The following PLCE1 variants were observed in gnomAD, a reference collection of about 807,000 sequenced individuals.
PLCE1 encodes the protein phospholipase C epsilon 1.
Under a neutral mutation model 242.8 loss-of-function variants are expected in PLCE1, and 119 were observed. That is an observed-to-expected ratio of 0.49 (90% CI 0.42 to 0.57). PLCE1 has a LOEUF of 0.57. Among genes scored for constraint, PLCE1 ranks in the 20% least tolerant of loss-of-function variants. The pLI is 0.00. For synonymous variants in PLCE1, 945 were observed against 1,017.4 expected, an observed-to-expected ratio of 0.93 and a Z score of 1.35; for missense variants, 2,441 against 2,788.8, an observed-to-expected ratio of 0.88 and a Z score of 2.81.
At chr10:94,255,195 A>T in intron 11 of PLCE1, 146 bp downstream of exon 11, 1 of 913,570 alleles carries the variant, frequency 1.1e-6, no homozygotes, top group Non-Finnish European at 1.7e-6. Context: ...CAAAATTTTA[A>T]ATGATCCTAA....
chr10:94,271,300 G>A (rs2051721628), intron 18 of PLCE1, among the ~76,000 whole-genome samples: 1 of 137,070 alleles, frequency 7.3e-6, no homozygotes, highest in East Asian at 2.4e-4. Flanking sequence ...TATAGGAGAA[G>A]ATCATCTTTT....
chr10:94,073,594 A>G (rs1266814188), intron 2 of PLCE1, among the ~76,000 whole-genome samples: 1 of 152,198 alleles, frequency 6.6e-6, no homozygotes, highest in African/African-American at 2.4e-5. Flanking sequence ...AATTTAGTTC[A>G]TTTCCTCTTC....
chr10:94,152,458 G>T (rs1355493851), intron 3 of PLCE1, among the ~76,000 whole-genome samples: 1 of 152,150 alleles, frequency 6.6e-6, no homozygotes, highest in African/African-American at 2.4e-5. Flanking sequence ...AAGGGAAAAT[G>T]AACAATTATG....
At chr10:94,285,159 T>C (rs2052393276) in intron 22 of PLCE1, among the ~76,000 whole-genome samples, 194 bp downstream of exon 22, 1 of 152,152 alleles carries the variant, frequency 6.6e-6, no homozygotes, top group African/African-American at 2.4e-5. Context: ...CCATAAAGTA[T>C]TCATTTTTCA....
At chr10:93,999,521 A>C (rs983164899) in intron 1 of PLCE1, among the ~76,000 whole-genome samples, 1 of 152,172 alleles carries the variant, frequency 6.6e-6, no homozygotes, top group South Asian at 2.1e-4. Context: ...GGAAAATGCA[A>C]TGTTGGAATT....
chr10:94,094,243 G>A lies in PLCE1; in HGVS notation c.1207-37931G>A, dbSNP rs113438895. On this transcript the variant is annotated intron_variant, in intron 2 of 32. Coordinates refer to ENST00000371380, the MANE Select transcript of PLCE1 (RefSeq NM_016341.4). ...GGCGTGAGCCACCGCGCCCGGCCTC[G>A]GTATTTCTTTTGAGCTCCTAGAATG... Among the ~76,000 whole-genome samples, 1,000 of 152,134 alleles carry A rather than the reference G, an allele frequency of 6.6e-3. 28 individuals carry two copies. Among genetic ancestry groups the A allele is most frequent in the African/African-American group, 0.023 (956 of 41,468 alleles).
chr10:94,053,873 A>G (rs1276035633), intron 2 of PLCE1, among the ~76,000 whole-genome samples: 9 of 152,242 alleles, frequency 5.9e-5, no homozygotes, highest in African/African-American at 2.2e-4. Flanking sequence ...CAGGGTGACC[A>G]GATTAGTTTT....
At chr10:94,310,430 C>A (rs1400041484) in intron 27 of PLCE1, among the ~76,000 whole-genome samples, 17 of 152,178 alleles carry the variant, frequency 1.1e-4, no homozygotes. Flanking sequence ...GGCCACACCC[C>A]GCACCAATTA....
At chr10:94,246,804 C>A (rs539805680) in intron 8 of PLCE1, among the ~76,000 whole-genome samples, 183 bp downstream of exon 8, 1 of 152,132 alleles carries the variant, frequency 6.6e-6, no homozygotes, top group Admixed American at 6.5e-5. Flanking sequence ...AATAATAACA[C>A]CTGCTCACAG....
chr10:94,046,147 A>G (rs1325720136), intron 2 of PLCE1, among the ~76,000 whole-genome samples: 1 of 151,972 alleles, frequency 6.6e-6, no homozygotes, highest in African/African-American at 2.4e-5. Context: ...TTTAATTTGG[A>G]TGTAGCCAGG....
intron 4 of PLCE1, among the ~76,000 whole-genome samples, chr10:94,196,560 A>G (rs1247433802): frequency 2.0e-5 from 3 of 152,186 alleles, no homozygotes; most frequent in Non-Finnish European, 4.4e-5. Context: ...CCAAGTCAGG[A>G]GGATCACTTG....
chr10:94,229,764 C>T (rs2050080310), intron 5 of PLCE1, among the ~76,000 whole-genome samples: 1 of 152,214 alleles, frequency 6.6e-6, no homozygotes, highest in Non-Finnish European at 1.5e-5. Context: ...GGACAGACCT[C>T]AACATTGATC....
intron 2 of PLCE1, among the ~76,000 whole-genome samples, chr10:94,058,096 C>T (rs1589934369): frequency 6.6e-6 from 1 of 152,144 alleles, no homozygotes; most frequent in African/African-American, 2.4e-5. Context: ...GAAACCCAAC[C>T]TTAACTGAAT....
At chr10:93,997,359 A>G (rs2060844876) in intron 1 of PLCE1, among the ~76,000 whole-genome samples, 1 of 152,180 alleles carries the variant, frequency 6.6e-6, no homozygotes, top group Non-Finnish European at 1.5e-5. Flanking sequence ...TGGCATATGC[A>G]TTTTTACCAT....
chr10:94,150,946 T>A (rs1393631262), intron 3 of PLCE1, among the ~76,000 whole-genome samples: 1 of 152,156 alleles, frequency 6.6e-6, no homozygotes, highest in Non-Finnish European at 1.5e-5. Context: ...GATACCAGGT[T>A]CTGGCAGTCT....
At chr10:94,151,207 G>A (rs867844014) in intron 3 of PLCE1, among the ~76,000 whole-genome samples, 1 of 152,130 alleles carries the variant, frequency 6.6e-6, no homozygotes, top group African/African-American at 2.4e-5. Flanking sequence ...TCTCTCACAA[G>A]GCCAAATAGC....
Position 94,031,899 on chromosome 10 carries a change from A to G in PLCE1, c.853A>G (p.Lys285Glu), listed in dbSNP as rs751950223. Residue 285 changes from lysine (K) to glutamate (E), a missense_variant, in exon 2 of 33, where the codon AAA becomes GAA. This residue lies in a region of PLCE1 where 393 missense variants were observed against 378.5 expected (regional missense o/e 1.04). Transcript: ENST00000371380. ...MVYSGDSFCR[K>E]DFTDSQAAKT... ...ATATTCAGGTGATAGCTTTTGTAGG[A>G]AAGACTTTACTGACAGTCAAGCTGC... The G allele has an allele frequency of 6.2e-7, 1 of 1,613,890 alleles. No homozygotes were observed. The highest frequency in any genetic ancestry group is 1.7e-5 in the Admixed American group (1 of 59,974).
chr10:94,018,655 T>C (rs993423812), intron 1 of PLCE1, among the ~76,000 whole-genome samples: 2 of 152,222 alleles, frequency 1.3e-5, no homozygotes, highest in Non-Finnish European at 2.9e-5. Context: ...ACTTTTTTAC[T>C]ACCTGAACTA....
At chr10:94,283,225 T>G (rs769980029) in intron 20 of PLCE1, 1 of 153,120 alleles carries the variant, frequency 6.5e-6, no homozygotes, top group Non-Finnish European at 1.5e-5. Flanking sequence ...TATCACTTAG[T>G]AAATTAATAA....
Sources: allele counts gnomAD v4.1 joint callset (sites outside exome capture counted in the v4.1 genomes callset), GRCh38; gene constraint gnomAD v4.1.1; regional missense constraint gnomAD v4.1.1; transcripts MANE v1.5; gene names NCBI Gene and HGNC (gene_info 2026-07-23, HGNC 2026-07-21).